ADAM2: variants seen among roughly 807,000 people sequenced by gnomAD.
ADAM2 encodes ADAM metallopeptidase domain 2, also known as disintegrin and metalloproteinase domain-containing protein 2.
A neutral mutation model predicts 99.3 loss-of-function variants in ADAM2; 101 were observed. The ratio of observed to expected loss-of-function variants is 1.02; its 90% CI spans 0.87 to 1.20. The LOEUF is 1.20. Ranked by LOEUF, ADAM2 falls within the 50% of genes most tolerant of loss-of-function variation. The pLI is 0.00. For missense variants in ADAM2, 948 were observed against 878.7 expected, an observed-to-expected ratio of 1.08 and a Z score of -1.00; for synonymous variants, 323 against 287.6, an observed-to-expected ratio of 1.12 and a Z score of -1.25.
intron 6 of ADAM2, among the ~76,000 whole-genome samples, chr8:39,813,498 T>C (rs141536298): frequency 4.6e-5 from 7 of 152,272 alleles, no homozygotes; most frequent in African/African-American, 1.4e-4. Context: ...CTATTCACGA[T>C]AGCAAAGACT....
rs756620659 is a variant in ADAM2 at position 39,801,169 on chromosome 8, T to A, written c.570+8241A>T. On this transcript the variant is annotated intron_variant, in intron 7 of 20. Transcript: ENST00000265708. The stretch of plus-strand genomic sequence containing the variant: ...TTGTGAGTTTGTCTAGTTTTGATCT[T>A]TGAGGCTGCTGACCCTTGGATGAGG... 1.3e-3 allele frequency among the ~76,000 whole-genome samples: 196 copies of A among 152,310 alleles called. 1 individual carries two copies. The highest frequency in any genetic ancestry group is 2.1e-3 in the Non-Finnish European group (143 of 68,020).
intron 3 of ADAM2, among the ~76,000 whole-genome samples, chr8:39,829,063 T>A (rs1805519700): frequency 6.6e-6 from 1 of 151,874 alleles, no homozygotes; most frequent in African/African-American, 2.4e-5. Flanking sequence ...CTGAAACATT[T>A]GAAAAATCAT....
intron 6 of ADAM2, 55 bp from the exon 7 acceptor site, chr8:39,809,521 A>T (rs927978720): frequency 1.0e-4 from 81 of 807,214 alleles, no homozygotes; most frequent in Non-Finnish European, 1.7e-4. Context: ...AAGTATTTTT[A>T]GTGCATGTCA....
chr8:39,777,355 T>C (rs968701271), intron 10 of ADAM2, among the ~76,000 whole-genome samples, 194 bp from the exon 11 acceptor site: 1 of 152,068 alleles, frequency 6.6e-6, no homozygotes, highest in African/African-American at 2.4e-5. Context: ...TATCGGTATG[T>C]AAATGGATGA....
intron 7 of ADAM2, among the ~76,000 whole-genome samples, chr8:39,807,112 C>T (rs1804472194): frequency 1.3e-5 from 2 of 152,334 alleles, no homozygotes; most frequent in Admixed American, 1.3e-4. Flanking sequence ...TGACACTGCC[C>T]TCCCAGTAGA....
intron 10 of ADAM2, among the ~76,000 whole-genome samples, chr8:39,780,358 T>C (rs564014722): frequency 1.0e-3 from 153 of 152,140 alleles, no homozygotes; most frequent in Admixed American, 2.9e-3. Context: ...CAAAGAGCAT[T>C]TGAGAAGCTA....
chr8:39,764,517 C>T (rs1445819421), intron 14 of ADAM2, among the ~76,000 whole-genome samples: 1 of 152,190 alleles, frequency 6.6e-6, no homozygotes, highest in African/African-American at 2.4e-5. Context: ...TTTCTCATCT[C>T]TCTCATAGTT....
chr8:39,755,131 C>T (rs1802097205), intron 16 of ADAM2, among the ~76,000 whole-genome samples: 1 of 151,962 alleles, frequency 6.6e-6, no homozygotes, highest in South Asian at 2.1e-4. Flanking sequence ...TAATTTATGA[C>T]ATTAGATGTA....
At chr8:39,773,891 A>T (rs1802881678) in intron 11 of ADAM2, among the ~76,000 whole-genome samples, 1 of 151,902 alleles carries the variant, frequency 6.6e-6, no homozygotes, top group Non-Finnish European at 1.5e-5. Flanking sequence ...AATTACTACT[A>T]AAGATCTGTA....
intron 14 of ADAM2, among the ~76,000 whole-genome samples, chr8:39,764,846 T>A (rs898133402): frequency 1.3e-5 from 2 of 151,894 alleles, no homozygotes; most frequent in African/African-American, 4.8e-5. Context: ...AAACCCTATC[T>A]CTATTAAAAA....
chr8:39,744,735 G>A, intron 20 of ADAM2, 95 bp downstream of exon 20: 1 of 741,880 alleles, frequency 1.3e-6, no homozygotes. Context: ...AAACCACCAT[G>A]GCACATGTAT....
intron 3 of ADAM2, among the ~76,000 whole-genome samples, chr8:39,831,504 A>C (rs572214107): frequency 6.6e-6 from 1 of 152,194 alleles, no homozygotes; most frequent in East Asian, 1.9e-4. Context: ...CAAAGCTTGA[A>C]AATTGGGAGA....
chr8:39,811,190 G>T (rs527999571), intron 6 of ADAM2, among the ~76,000 whole-genome samples: 17 of 152,196 alleles, frequency 1.1e-4, no homozygotes, highest in Non-Finnish European at 1.9e-4. Context: ...AAATCTAGAA[G>T]AAATGGATAA....
At chr8:39,769,661 A>G in intron 11 of ADAM2, 86 bp from the exon 12 acceptor site, 1 of 827,998 alleles carries the variant, frequency 1.2e-6, no homozygotes, top group Non-Finnish European at 1.9e-6. Context: ...ACAGCATTCC[A>G]CAACAGACCA....
At chr8:39,834,568 A>G (rs1301990300) in intron 2 of ADAM2, among the ~76,000 whole-genome samples, 1 of 151,896 alleles carries the variant, frequency 6.6e-6, no homozygotes, top group Non-Finnish European at 1.5e-5. Context: ...CCCCATCTCT[A>G]CTAAAAGATG....
intron 7 of ADAM2, among the ~76,000 whole-genome samples, chr8:39,795,962 T>C (rs577976399): frequency 1.3e-5 from 2 of 152,266 alleles, no homozygotes; most frequent in East Asian, 3.9e-4. Context: ...CCCAATGGTC[T>C]TTCCTTGATT....
At position 39,746,507 on chromosome 8, in the gene ADAM2, C is replaced by T. The variant is rs267601919; in HGVS notation, c.2139G>A (p.Arg713=). The T allele has an allele frequency of 3.1e-6, 5 of 1,590,052 alleles. No individual in the cohort carries two copies. The highest frequency in any genetic ancestry group is 4.3e-6 in the Non-Finnish European group (5 of 1,171,682). Residue 713 remains arginine, a synonymous_variant, in exon 19 of 21, where the codon AGG becomes AGA. Coordinates refer to ENST00000265708, the MANE Select transcript of ADAM2 (RefSeq NM_001464.5). ...IAIMVKVNFQ[R]KKWRTEDYSS... ...AATAGTCCTCAGTTCTCCATTTTTT[C>T]CTTTGGAAATTAACTTTCACCATTA... is the stretch of plus-strand genomic sequence containing the variant.
chr8:39,790,164 T>G (rs1803645853), intron 7 of ADAM2, among the ~76,000 whole-genome samples: 1 of 151,890 alleles, frequency 6.6e-6, no homozygotes, highest in Non-Finnish European at 1.5e-5. Flanking sequence ...AATCCAAAAA[T>G]TCACAGTTCT....
chr8:39,785,384 A>G (rs1478433766), intron 10 of ADAM2, among the ~76,000 whole-genome samples: 1 of 152,208 alleles, frequency 6.6e-6, no homozygotes, highest in Non-Finnish European at 1.5e-5. Context: ...TGATGAGGCT[A>G]TGAGGAAAAC....
Sources: gnomAD v4.1 joint callset for allele counts (sites outside exome capture counted in the v4.1 genomes callset) on GRCh38, gnomAD v4.1.1 for gene constraint, MANE v1.5 for transcripts, NCBI Gene and HGNC (gene_info 2026-07-23, HGNC 2026-07-21) for gene names.